GFPT2: variants seen among roughly 807,000 people sequenced by gnomAD.
The protein encoded by GFPT2 is glutamine--fructose-6-phosphate transaminase 2.
GFPT2 carries 62 observed loss-of-function variants against 85.6 expected under a neutral mutation model. That is an observed-to-expected ratio of 0.72 (90% CI 0.59 to 0.90). GFPT2 has a LOEUF of 0.90. GFPT2 is among the 40% of genes least tolerant of loss of function. The pLI, the probability that GFPT2 is intolerant of heterozygous loss-of-function variation, is 0.00. For synonymous variants in GFPT2, 368 were observed against 344.5 expected (o/e 1.07, Z -0.75); for missense variants, 788 against 893.4 (o/e 0.88, Z 1.50).
Position 180,328,187 on chromosome 5 carries a change from G to A in GFPT2, c.596+90C>T. On this transcript the variant is annotated intron_variant, in intron 7 of 18. Coordinates refer to ENST00000253778, the MANE Select transcript of GFPT2 (RefSeq NM_005110.4). This position sits in a 1 kb window ranked among gnomAD's most constrained non-coding sequence, Gnocchi z 5.4. The stretch of plus-strand genomic sequence containing the variant: ...AGACACCACGAGCACCTTTCAGCGT[G>A]CCACAGGCCCTACCTCTCCCGTCTC... 5 of 980,140 alleles carry A rather than the reference G, an allele frequency of 5.1e-6. No individual in the cohort carries two copies. Among genetic ancestry groups the A allele is most frequent in the Non-Finnish European group, 8.2e-6 (5 of 609,748 alleles). The allele number at this position is 980,140 out of a possible 1,614,324, so 60.7% of individuals were successfully genotyped here. A position where few individuals can be genotyped will look rare whatever the true frequency, so the allele number is the denominator to read the frequency against.
At chr5:180,338,999 C>G (rs567018949) in intron 1 of GFPT2, among the ~76,000 whole-genome samples, 1 of 152,326 alleles carries the variant, frequency 6.6e-6, no homozygotes, top group Non-Finnish European at 1.5e-5. Context: ...TAGAAAGGGA[C>G]AGCAGCCCCC....
chr5:180,310,256 G>C (rs6601108), intron 15 of GFPT2, among the ~76,000 whole-genome samples: 104,480 of 150,568 alleles, frequency 0.69, 36,246 homozygotes, highest in East Asian at 0.88. Context: ...GCACCCACTA[G>C]CACGCCCAGC....
chr5:180,312,256 C>T lies in GFPT2; in HGVS notation c.1546+174G>A, dbSNP rs186830125. Among the ~76,000 whole-genome samples, 865 of 151,384 alleles carry T rather than the reference C, an allele frequency of 5.7e-3. 8 individuals are homozygous for T. Among genetic ancestry groups the T allele is most frequent in the African/African-American group, 0.02 (822 of 41,022 alleles). On this transcript the variant is annotated intron_variant, in intron 15 of 18. Coordinates refer to ENST00000253778, the MANE Select transcript of GFPT2 (RefSeq NM_005110.4). ...GCGGCAGCGCAGGGGGAGGTGGGGG[C>T]CGAGCAGGATGAGGTCAGAGGCAGC...
At position 180,323,621 on chromosome 5, in the gene GFPT2, A is replaced by G. The variant is rs1352441284; in HGVS notation, c.794+567T>C. The stretch of plus-strand genomic sequence containing the variant: ...TATAAAGCAGAATTTCTCAAATTTC[A>G]AAATCATTATTCAGTGGATTGATGA... On this transcript the variant is annotated intron_variant, in intron 9 of 18. Coordinates refer to ENST00000253778, the MANE Select transcript of GFPT2 (RefSeq NM_005110.4). The surrounding 1 kb of genome is among the most constrained non-coding windows in gnomAD (Gnocchi z 4.0). Among the ~76,000 whole-genome samples, 1 of 152,082 alleles carries G rather than the reference A, an allele frequency of 6.6e-6. No individual in the cohort carries two copies. The highest frequency in any genetic ancestry group is 1.9e-4 in the East Asian group (1 of 5,182).
chr5:180,331,124 C>A lies in GFPT2; in HGVS notation c.400-290G>T, dbSNP rs187212755. 6.1e-3 allele frequency among the ~76,000 whole-genome samples: 929 copies of A among 152,324 alleles called. 6 individuals are homozygous for A. The highest frequency in any genetic ancestry group is 7.8e-3 in the Non-Finnish European group (529 of 68,026). On this transcript the variant is annotated intron_variant, in intron 5 of 18. Transcript: ENST00000253778. ...TACGTTGAGTCAAACCCACCCACAT[C>A]CCAACTAACACCACAGAGCCTTTCA... is the stretch of plus-strand genomic sequence containing the variant.
chr5:180,322,821 G>A (rs1764144862), intron 9 of GFPT2, among the ~76,000 whole-genome samples: 2 of 152,060 alleles, frequency 1.3e-5, no homozygotes, highest in Admixed American at 6.6e-5. Flanking sequence ...CGGATCATGA[G>A]GTCAGGAGAT....
intron 13 of GFPT2, among the ~76,000 whole-genome samples, chr5:180,314,696 C>G (rs1319541767): frequency 6.6e-6 from 1 of 152,174 alleles, no homozygotes; most frequent in African/African-American, 2.4e-5. Context: ...CCCAATTCTC[C>G]TCTGCTTTTC....
Position 180,309,262 on chromosome 5 carries a change from G to A in GFPT2, c.1547-1959C>T, listed in dbSNP as rs138308492. Among the ~76,000 whole-genome samples the A allele has an allele frequency of 9.3e-3, 1,419 of 152,264 alleles. 29 individuals are homozygous for A. Among genetic ancestry groups the A allele is most frequent in the African/African-American group, 0.033 (1,351 of 41,556 alleles). On this transcript the variant is annotated intron_variant, in intron 15 of 18. Coordinates refer to ENST00000253778, the MANE Select transcript of GFPT2 (RefSeq NM_005110.4). Reference sequence around the variant, plus strand: ...CAAAAGTTTTGCCTGGGAGCTTAAAGTTTATCATTGGCAACAAATACCATG... The same window carrying A: ...CAAAAGTTTTGCCTGGGAGCTTAAAATTTATCATTGGCAACAAATACCATG...
intron 1 of GFPT2, among the ~76,000 whole-genome samples, chr5:180,340,410 T>C (rs192371291): frequency 0.015 from 2,212 of 152,010 alleles, 39 homozygotes; most frequent in Admixed American, 0.03. Context: ...TTCTCCATGT[T>C]GGCCAGGCTG....
Position 180,331,487 on chromosome 5 carries a change from C to T in GFPT2, c.399+8G>A. 1 of 1,520,996 alleles carries T rather than the reference C, an allele frequency of 6.6e-7. No individual in the cohort carries two copies. Among genetic ancestry groups the T allele is most frequent in the Non-Finnish European group, 9.1e-7 (1 of 1,094,932 alleles). 94.2% of individuals were successfully genotyped at this position (1,520,996 alleles called of 1,614,324 possible). A position where few individuals can be genotyped will look rare whatever the true frequency, so the allele number is the denominator to read the frequency against. Reference sequence around the variant, plus strand: ...GGACTGAGACATCACCTAGGGGAAGCATCTTACCAGAAATTTCCTCAGATC... The same window carrying T: ...GGACTGAGACATCACCTAGGGGAAGTATCTTACCAGAAATTTCCTCAGATC... On this transcript the variant is annotated splice_region_variant and intron_variant, in intron 5 of 18. Transcript: ENST00000253778.
At chr5:180,325,029 G>A (rs1247056730) in intron 7 of GFPT2, 134 bp from the exon 8 acceptor site, 5 of 671,878 alleles carry the variant, frequency 7.4e-6, no homozygotes, top group Non-Finnish European at 1.1e-5. Context: ...GGTCCCACAG[G>A]ACGGACGCCT....
chr5:180,309,811 C>T (rs1330553375), intron 15 of GFPT2, among the ~76,000 whole-genome samples: 3 of 150,438 alleles, frequency 2.0e-5, no homozygotes, highest in Admixed American at 6.6e-5. Context: ...TCATCAAGGC[C>T]ATTCCTTTTT....
chr5:180,332,957 C>A (rs1295823191), intron 4 of GFPT2, among the ~76,000 whole-genome samples: 1 of 152,152 alleles, frequency 6.6e-6, no homozygotes, highest in East Asian at 1.9e-4. Flanking sequence ...TCTTTATTCT[C>A]ACCATGATTT....
chr5:180,313,715 G>A (rs1197635222), intron 14 of GFPT2, 92 bp downstream of exon 14: 2 of 1,103,006 alleles, frequency 1.8e-6, no homozygotes, highest in Admixed American at 5.4e-5. Flanking sequence ...GAAAGGCGGT[G>A]GCGCGGGCAG....
At chr5:180,338,668 G>A in intron 1 of GFPT2, 68 bp from the exon 2 acceptor site, 1 of 937,002 alleles carries the variant, frequency 1.1e-6, no homozygotes, top group South Asian at 1.5e-5. Flanking sequence ...AAACGCTTCT[G>A]GGGGATGCAC....
chr5:180,337,453 G>GAAAAAAAAAAAAA, intron 2 of GFPT2, among the ~76,000 whole-genome samples: 1 of 99,402 alleles, frequency 1.0e-5, no homozygotes, highest in Non-Finnish European at 2.0e-5. Context: ...ACTCCATCTC[G>GAAAAAAAAAAAAA]AAAAAAAAAA....
intron 1 of GFPT2, among the ~76,000 whole-genome samples, chr5:180,351,104 T>G (rs1561886511): frequency 6.6e-6 from 1 of 152,232 alleles, no homozygotes; most frequent in African/African-American, 2.4e-5. Context: ...AGAATTTGAT[T>G]AAATTTTCAA....
In GFPT2 at chr5:180,336,492, A is replaced by T; in HGVS notation, c.201T>A (p.Asp67Glu). The T allele has an allele frequency of 6.3e-7, 1 of 1,596,210 alleles. No individual in the cohort carries two copies. Among genetic ancestry groups the T allele is most frequent in the Non-Finnish European group, 8.6e-7 (1 of 1,163,686 alleles). The change falls in exon 3 of 19, where the codon GAT becomes GAA. Residue 67 changes from aspartate to glutamate, a missense_variant. By Grantham distance (45) the Asp-to-Glu change is conservative. Coordinates refer to ENST00000253778, the MANE Select transcript of GFPT2 (RefSeq NM_005110.4). Reference sequence around the variant, plus strand: ...TCCTCCACTTACTGTAAAGTTCTTCATCGAGAGCCTTGACTTTCCCCCTTT... The same window carrying T: ...TCCTCCACTTACTGTAAAGTTCTTCTTCGAGAGCCTTGACTTTCCCCCTTT... Reference protein sequence around the residue: ...VKKRGKVKALDEELYKQDSMD... With the variant: ...VKKRGKVKALEEELYKQDSMD...
chr5:180,311,872 A>C (rs1763892168), intron 15 of GFPT2, among the ~76,000 whole-genome samples: 1 of 152,160 alleles, frequency 6.6e-6, no homozygotes, highest in African/African-American at 2.4e-5. Flanking sequence ...GGCTGTATGC[A>C]GAGCAGGAAG....
Sources: gnomAD v4.1 joint callset for allele counts (sites outside exome capture counted in the v4.1 genomes callset) on GRCh38, gnomAD v4.1.1 for gene constraint, Gnocchi (gnomAD v3.1) non-coding constraint, MANE v1.5 for transcripts, NCBI Gene and HGNC (gene_info 2026-07-23, HGNC 2026-07-21) for gene names.